ADCK1: variants seen among roughly 807,000 people sequenced by gnomAD.
ADCK1 encodes aarF domain-containing protein kinase 1.
ADCK1 carries 41 observed loss-of-function variants against 52.3 expected under a neutral mutation model. The ratio of observed to expected loss-of-function variants is 0.78; its 90% CI spans 0.61 to 1.02. The LOEUF (loss-of-function observed/expected upper bound fraction) is 1.02, where lower values mean the gene tolerates loss of function less well. ADCK1 is among the 50% of genes least tolerant of loss of function. The pLI is 0.00. For missense variants in ADCK1, 658 were observed against 679.5 expected (o/e 0.97, Z 0.35); for synonymous variants, 250 against 274.6 (o/e 0.91, Z 0.89).
rs563801747 is a variant in ADCK1 at position 77,843,412 on chromosome 14, T to C, written c.220-15664T>C. Among the ~76,000 whole-genome samples the C allele has an allele frequency of 2.3e-4, 35 of 152,300 alleles. No individual in the cohort carries two copies. The South Asian group carries it at 7.0e-3, about 31-fold the overall frequency. The stretch of plus-strand genomic sequence containing the variant: ...CTCACTCTTCTAGCCGCTGAACAAC[T>C]GTTGAGAACAAATTAATTATGCATC... On this transcript the variant is annotated intron_variant, in intron 3 of 10. Coordinates refer to ENST00000238561, the MANE Select transcript of ADCK1 (RefSeq NM_020421.4).
chr14:77,843,064 A>AT (rs895928715), intron 3 of ADCK1, among the ~76,000 whole-genome samples: 54 of 151,606 alleles, frequency 3.6e-4, no homozygotes, highest in Non-Finnish European at 3.1e-4. Flanking sequence ...TAATTAAAAA[A>AT]TTTTTTTTGT....
chr14:77,876,153 A>G (rs1156840257), intron 4 of ADCK1, among the ~76,000 whole-genome samples: 1 of 152,176 alleles, frequency 6.6e-6, no homozygotes, highest in African/African-American at 2.4e-5. Context: ...AGCAGTCTGA[A>G]AATTAAGGTG....
At chr14:77,852,212 T>C (rs1450118244) in intron 3 of ADCK1, among the ~76,000 whole-genome samples, 1 of 152,106 alleles carries the variant, frequency 6.6e-6, no homozygotes, top group Non-Finnish European at 1.5e-5. Flanking sequence ...TTGTCTAGGC[T>C]GGTCTCAAAC....
intron 7 of ADCK1, among the ~76,000 whole-genome samples, chr14:77,915,188 T>G (rs1350073215): frequency 1.3e-5 from 2 of 152,130 alleles, no homozygotes; most frequent in Non-Finnish European, 2.9e-5. Context: ...CAAATCTTTT[T>G]TTTTTTTTTA....
At chr14:77,877,465 G>T (rs1248030974) in intron 4 of ADCK1, among the ~76,000 whole-genome samples, 1 of 152,158 alleles carries the variant, frequency 6.6e-6, no homozygotes, top group South Asian at 2.1e-4. Flanking sequence ...TAGAATTCAC[G>T]GCCCTCATCA....
chr14:77,894,729 T>G (rs1183377731), intron 5 of ADCK1, among the ~76,000 whole-genome samples: 1 of 137,976 alleles, frequency 7.2e-6, no homozygotes, highest in Non-Finnish European at 1.5e-5. Context: ...TTTTCTTTTC[T>G]TTTCTTGTTT....
chr14:77,823,527 C>T (rs1443039155), intron 3 of ADCK1, among the ~76,000 whole-genome samples: 1 of 152,064 alleles, frequency 6.6e-6, no homozygotes, highest in Non-Finnish European at 1.5e-5. Context: ...AAACTATCAA[C>T]ATTTTGCCCA....
intron 3 of ADCK1, among the ~76,000 whole-genome samples, chr14:77,829,858 G>T (rs1020536735): frequency 6.6e-6 from 1 of 151,452 alleles, no homozygotes; most frequent in East Asian, 2.0e-4. Flanking sequence ...AGTTTGGAAA[G>T]GTGGGTTGAT....
chr14:77,852,553 A>G (rs1444173034), intron 3 of ADCK1, among the ~76,000 whole-genome samples: 3 of 148,694 alleles, frequency 2.0e-5, no homozygotes, highest in African/African-American at 7.5e-5. Context: ...AGCTTTCTTC[A>G]TGTTTCTTGT....
intron 3 of ADCK1, among the ~76,000 whole-genome samples, chr14:77,831,137 C>T (rs1352061728): frequency 6.6e-6 from 1 of 152,182 alleles, no homozygotes; most frequent in South Asian, 2.1e-4. Context: ...ACAAGCCTCT[C>T]AGTTGGGGGA....
intron 3 of ADCK1, among the ~76,000 whole-genome samples, chr14:77,858,505 G>A (rs2082471595): frequency 6.6e-6 from 1 of 152,092 alleles, no homozygotes; most frequent in Non-Finnish European, 1.5e-5. Context: ...CTCCCAAAGT[G>A]TTGGGATTAC....
At chr14:77,855,427 G>C (rs1359338959) in intron 3 of ADCK1, among the ~76,000 whole-genome samples, 4 of 152,210 alleles carry the variant, frequency 2.6e-5, no homozygotes, top group Non-Finnish European at 5.9e-5. Flanking sequence ...GCTTCTATGT[G>C]GTGAAATTGG....
At chr14:77,830,483 G>C (rs916921888) in intron 3 of ADCK1, among the ~76,000 whole-genome samples, 2 of 150,982 alleles carry the variant, frequency 1.3e-5, no homozygotes, top group African/African-American at 4.8e-5. Flanking sequence ...ATATGAGACA[G>C]AGTCTTGTCA....
chr14:77,895,539 CA>C (rs1386889314), intron 5 of ADCK1, among the ~76,000 whole-genome samples: 1 of 152,076 alleles, frequency 6.6e-6, no homozygotes, highest in African/African-American at 2.4e-5. Flanking sequence ...GGAGAAAAAT[CA>C]AAAAGTCAAA....
chr14:77,863,992 T>C (rs2082609048), intron 4 of ADCK1, among the ~76,000 whole-genome samples: 2 of 152,074 alleles, frequency 1.3e-5, no homozygotes, highest in African/African-American at 4.8e-5. Flanking sequence ...GGGCAATGCT[T>C]ATATTGGTGT....
intron 2 of ADCK1, 24 bp downstream of exon 2, chr14:77,819,137 A>G (rs772080000): frequency 6.2e-7 from 1 of 1,613,152 alleles, no homozygotes; most frequent in Non-Finnish European, 8.5e-7. Context: ...TTTTGGGGGT[A>G]GCAGAGAAGC....
intron 1 of ADCK1, among the ~76,000 whole-genome samples, chr14:77,802,755 C>T (rs903365346): frequency 1.2e-4 from 18 of 152,220 alleles, no homozygotes; most frequent in Admixed American, 7.9e-4. Context: ...TCGAGACCAT[C>T]CTGGCTAACA....
intron 7 of ADCK1, among the ~76,000 whole-genome samples, chr14:77,920,778 T>G (rs541550487): frequency 3.3e-5 from 5 of 152,178 alleles, no homozygotes; most frequent in East Asian, 3.9e-4. Context: ...CCACCCAAAG[T>G]AGATAGAACC....
intron 4 of ADCK1, among the ~76,000 whole-genome samples, chr14:77,883,230 A>C (rs2083073088): frequency 6.6e-6 from 1 of 152,078 alleles, no homozygotes; most frequent in African/African-American, 2.4e-5. Context: ...AGAAATGGGG[A>C]AAGAAAGCCT....
Sources: allele counts gnomAD v4.1 joint callset (sites outside exome capture counted in the v4.1 genomes callset), GRCh38; gene constraint gnomAD v4.1.1; transcripts MANE v1.5; gene names NCBI Gene and HGNC (gene_info 2026-07-23, HGNC 2026-07-21).